The following SCAPER variants were observed in gnomAD, a reference collection of about 807,000 sequenced individuals.
The protein encoded by SCAPER is S-phase cyclin A associated protein in the ER.
In SCAPER, 98 loss-of-function variants were observed where a neutral mutation model predicts 182.2. The ratio of observed to expected loss-of-function variants is 0.54; its 90% CI spans 0.46 to 0.64. SCAPER has a LOEUF of 0.64. Among genes scored for constraint, SCAPER ranks in the 30% least tolerant of loss-of-function variants. SCAPER has a pLI of 0.00. For missense variants in SCAPER, 1,432 were observed against 1,690.0 expected, an observed-to-expected ratio of 0.85 and a Z score of 2.68; for synonymous variants, 605 against 564.6, an observed-to-expected ratio of 1.07 and a Z score of -1.01.
rs1294380704 is a variant in SCAPER at position 76,705,927 on chromosome 15, C to T, written c.2223G>A (p.Glu741=). The T allele has an allele frequency of 1.3e-6, 2 of 1,560,792 alleles. No individual in the cohort carries two copies. The highest frequency in any genetic ancestry group is 1.7e-6 in the Non-Finnish European group (2 of 1,154,606). Residue 741 remains glutamate (E), a synonymous_variant, in exon 18 of 32, where the codon GAG becomes GAA. Coordinates refer to ENST00000563290, the MANE Select transcript of SCAPER (RefSeq NM_020843.4). ...LTAAQQEAME[E]LQKKIQLKHD... Reference sequence around the variant, plus strand: ...CCTTGAGCTGAATTTTTTTCTGTAACTCTTCCATAGCTTCTTGTTGAGCAG... The same window carrying T: ...CCTTGAGCTGAATTTTTTTCTGTAATTCTTCCATAGCTTCTTGTTGAGCAG...
rs187660141 is a variant in SCAPER, at chr15:76,429,579, T to C, written c.3311+4499A>G. Reference sequence around the variant, plus strand: ...TGTTTTAGCAAAGAGACTGGCGGCATTTTTCCCCTGCCTTAGAGATTTGTG... The same window carrying C: ...TGTTTTAGCAAAGAGACTGGCGGCACTTTTCCCCTGCCTTAGAGATTTGTG... On this transcript the variant is annotated intron_variant, in intron 26 of 31. Coordinates refer to ENST00000563290, the MANE Select transcript of SCAPER (RefSeq NM_020843.4). Among the ~76,000 whole-genome samples the C allele has an allele frequency of 1.2e-3, 189 of 152,194 alleles. 1 individual carries two copies. Among genetic ancestry groups the C allele is most frequent in the African/African-American group, 4.3e-3 (177 of 41,512 alleles).
rs372335074 is a variant in SCAPER, at chr15:76,800,368, C to G, written c.495-4G>C. The G allele has an allele frequency of 6.4e-7, 1 of 1,554,932 alleles. No individual in the cohort carries two copies. Among genetic ancestry groups the G allele is most frequent in the South Asian group, 1.1e-5 (1 of 89,302 alleles). ...TTCCCATGCCAATGATGTTGGTCTG[C>G]GAATTCAATATATAAACCAGATTAA... is the stretch of plus-strand genomic sequence containing the variant. On this transcript the variant is annotated splice_region_variant and splice_polypyrimidine_tract_variant and intron_variant, in intron 6 of 31. Coordinates refer to ENST00000563290, the MANE Select transcript of SCAPER (RefSeq NM_020843.4).
chr15:76,589,314 G>C (rs1327843832), intron 22 of SCAPER, among the ~76,000 whole-genome samples: 1 of 152,100 alleles, frequency 6.6e-6, no homozygotes, highest in African/African-American at 2.4e-5. Flanking sequence ...CAGCTACCAG[G>C]GTGGGTAGTG....
chr15:76,481,145 T>C (rs1346655776), intron 24 of SCAPER, among the ~76,000 whole-genome samples: 1 of 152,254 alleles, frequency 6.6e-6, no homozygotes, highest in Non-Finnish European at 1.5e-5. Flanking sequence ...GAATAAAATT[T>C]GGACCCAACA....
intron 26 of SCAPER, among the ~76,000 whole-genome samples, chr15:76,432,130 G>A (rs988432447): frequency 6.6e-6 from 1 of 152,234 alleles, no homozygotes; most frequent in Non-Finnish European, 1.5e-5. Context: ...CAAGCATGCA[G>A]GGTTGCTGCA....
At chr15:76,394,172 C>T (rs1310049625) in intron 27 of SCAPER, among the ~76,000 whole-genome samples, 1 of 152,174 alleles carries the variant, frequency 6.6e-6, no homozygotes, top group Non-Finnish European at 1.5e-5. Context: ...TCATATTAGT[C>T]TGCATGTTGC....
chr15:76,578,398 C>T (rs374938597), intron 22 of SCAPER, among the ~76,000 whole-genome samples: 12 of 152,180 alleles, frequency 7.9e-5, no homozygotes, highest in African/African-American at 2.2e-4. Context: ...GCGCCTTGGG[C>T]GAGACACAGT....
intron 26 of SCAPER, among the ~76,000 whole-genome samples, chr15:76,421,579 T>C (rs927487208): frequency 3.3e-5 from 5 of 152,182 alleles, no homozygotes; most frequent in Non-Finnish European, 2.9e-5. Context: ...GTTGCCTGTT[T>C]ACTCTGATGG....
chr15:76,891,343 T>G (rs1415628338), intron 1 of SCAPER, among the ~76,000 whole-genome samples: 1 of 152,036 alleles, frequency 6.6e-6, no homozygotes, highest in East Asian at 1.9e-4. Context: ...GAGAAAGAAA[T>G]AAAGGGTATT....
intron 27 of SCAPER, among the ~76,000 whole-genome samples, chr15:76,400,794 T>C (rs2044402834): frequency 6.6e-6 from 1 of 152,150 alleles, no homozygotes; most frequent in South Asian, 2.1e-4. Context: ...GAAATTATAA[T>C]GGAGATAAAT....
At chr15:76,709,225 G>A (rs1301823621) in intron 17 of SCAPER, among the ~76,000 whole-genome samples, 1 of 152,114 alleles carries the variant, frequency 6.6e-6, no homozygotes, top group African/African-American at 2.4e-5. Flanking sequence ...TCCACCTCCA[G>A]GGTTCAAGCG....
At chr15:76,815,656 A>G (rs1227433932) in intron 5 of SCAPER, among the ~76,000 whole-genome samples, 1 of 151,964 alleles carries the variant, frequency 6.6e-6, no homozygotes, top group Non-Finnish European at 1.5e-5. Flanking sequence ...CCTGAGCTCC[A>G]CCTCCTGTCA....
intron 21 of SCAPER, among the ~76,000 whole-genome samples, chr15:76,631,012 G>A (rs2053057776): frequency 6.6e-6 from 1 of 152,102 alleles, no homozygotes. Flanking sequence ...AGGACAGTTA[G>A]GTCTTCTTGT....
chr15:76,635,289 T>C (rs1408114561), intron 21 of SCAPER, among the ~76,000 whole-genome samples: 4 of 152,150 alleles, frequency 2.6e-5, no homozygotes, highest in Non-Finnish European at 4.4e-5. Flanking sequence ...CATTCACTCA[T>C]ACTGGTATAA....
chr15:76,454,737 T>C (rs2048603352), intron 25 of SCAPER, among the ~76,000 whole-genome samples: 1 of 152,208 alleles, frequency 6.6e-6, no homozygotes, highest in Non-Finnish European at 1.5e-5. Flanking sequence ...CTTAAAAAAA[T>C]GAACTGTGAA....
At chr15:76,654,640 T>A (rs1433983223) in intron 21 of SCAPER, among the ~76,000 whole-genome samples, 2 of 152,274 alleles carry the variant, frequency 1.3e-5, no homozygotes, top group East Asian at 3.9e-4. Flanking sequence ...AATAAAATAA[T>A]CATTCTACAA....
chr15:76,623,713 T>C (rs910131200), intron 21 of SCAPER, among the ~76,000 whole-genome samples: 1 of 152,228 alleles, frequency 6.6e-6, no homozygotes, highest in African/African-American at 2.4e-5. Flanking sequence ...TTGCTTAGGA[T>C]TGCTTTGGCT....
intron 22 of SCAPER, among the ~76,000 whole-genome samples, chr15:76,582,561 A>G (rs1311765624): frequency 2.0e-5 from 3 of 152,232 alleles, no homozygotes; most frequent in East Asian, 1.9e-4. Context: ...TACTAACGAA[A>G]TAAGTATTTT....
rs1203866498 is a variant in SCAPER at position 76,771,806 on chromosome 15, T to C, written c.1184A>G (p.Glu395Gly). 1 of 1,613,238 alleles carries C rather than the reference T, an allele frequency of 6.2e-7. No homozygotes were observed. The highest frequency in any genetic ancestry group is 1.7e-5 in the Admixed American group (1 of 60,012). The change falls in exon 10 of 32, where the codon GAA becomes GGA. Residue 395 changes from glutamate to glycine, a missense_variant. By Grantham distance (98) the Glu-to-Gly change is moderately conservative (BLOSUM62 -2). Transcript: ENST00000563290. ...QAGTPPLQVN[E>G]EKFPAEKARI... ...TGCTTTCTCTGCTGGAAATTTTTCT[T>C]CATTTACTTGTAAAGGAGGTGTACC...
Sources: allele counts gnomAD v4.1 joint callset (sites outside exome capture counted in the v4.1 genomes callset), GRCh38; gene constraint gnomAD v4.1.1; transcripts MANE v1.5; gene names NCBI Gene and HGNC (gene_info 2026-07-23, HGNC 2026-07-21).